UBAP2L: variants seen among roughly 807,000 people sequenced by gnomAD.
The protein encoded by UBAP2L is ubiquitin-associated protein 2-like.
A neutral mutation model predicts 130.6 loss-of-function variants in UBAP2L; 12 were observed. The observed-to-expected ratio is 0.09, with a 90% CI of 0.06 to 0.15. The LOEUF is 0.15. Ranked by LOEUF, UBAP2L falls within the 10% of genes least tolerant of loss-of-function variation. UBAP2L has a pLI of 1.00. For synonymous variants in UBAP2L, 503 were observed against 524.7 expected (o/e 0.96, Z 0.57); for missense variants, 965 against 1,332.5 (o/e 0.72, Z 4.29).
intron 8 of UBAP2L, 30 bp from the exon 9 acceptor site, chr1:154,241,483 A>G: frequency 6.2e-7 from 1 of 1,608,600 alleles, no homozygotes; most frequent in Non-Finnish European, 8.5e-7. Flanking sequence ...TTAATAGTGA[A>G]GTTACTTCAC....
At chr1:154,221,000 TGGCGGC>T (rs557489922) in intron 1 of UBAP2L, 25 bp downstream of exon 1, 4 of 192,720 alleles carry the variant, frequency 2.1e-5, no homozygotes, top group East Asian at 1.8e-4. Flanking sequence ...GCAGCGGCGT[TGGCGGC>T]GGCGGCGGCG....
intron 24 of UBAP2L, among the ~76,000 whole-genome samples, chr1:154,265,932 T>G (rs941795049): frequency 1.3e-5 from 2 of 152,192 alleles, no homozygotes; most frequent in South Asian, 2.1e-4. Context: ...GTTTGAAGAT[T>G]TAGCCTAGAT....
chr1:154,252,487 GC>G (rs1274266683), intron 14 of UBAP2L, among the ~76,000 whole-genome samples: 2 of 150,414 alleles, frequency 1.3e-5, no homozygotes, highest in Non-Finnish European at 3.0e-5. Context: ...CACCATGTTG[GC>G]CAGGCTGGTC....
chr1:154,248,116 C>T (rs528044552), intron 11 of UBAP2L, among the ~76,000 whole-genome samples: 3 of 151,894 alleles, frequency 2.0e-5, no homozygotes, highest in Non-Finnish European at 2.9e-5. Flanking sequence ...TACAGGCGCC[C>T]GCCACCACGC....
chr1:154,250,352 A>AT (rs34620231), intron 12 of UBAP2L, among the ~76,000 whole-genome samples: 70,079 of 151,226 alleles, frequency 0.46, 17,593 homozygotes, highest in East Asian at 0.87. Context: ...GCACCTGGCC[A>AT]TTTTTTTTTC....
chr1:154,243,155 A>G, intron 9 of UBAP2L, 62 bp from the exon 10 acceptor site: 1 of 1,427,120 alleles, frequency 7.0e-7, no homozygotes, highest in East Asian at 2.3e-5. Context: ...CCCCTTACCT[A>G]TGCCAAGTTT....
chr1:154,233,473 C>T (rs1670554579), intron 4 of UBAP2L, among the ~76,000 whole-genome samples: 1 of 151,742 alleles, frequency 6.6e-6, no homozygotes, highest in South Asian at 2.1e-4. Flanking sequence ...TACAGGTGCG[C>T]ACCACCACAC....
At chr1:154,230,106 A>C (rs1669338248) in intron 4 of UBAP2L, among the ~76,000 whole-genome samples, 1 of 151,830 alleles carries the variant, frequency 6.6e-6, no homozygotes, top group South Asian at 2.1e-4. Flanking sequence ...TCCTGGGTTC[A>C]AGCAATTCTC....
chr1:154,271,006 C>T, downstream of UBAP2L: 5 of 1,469,558 alleles, frequency 3.4e-6, no homozygotes, highest in Non-Finnish European at 4.6e-6. Flanking sequence ...GAACTCCTGA[C>T]CTTAATGTGG....
intron 24 of UBAP2L, chr1:154,263,598 C>A: frequency 1.3e-6 from 1 of 791,956 alleles, no homozygotes; most frequent in Non-Finnish European, 1.5e-6. Context: ...TAATCAAACC[C>A]CAGCATAGCC....
chr1:154,256,130 A>G lies in UBAP2L; in HGVS notation c.2157+375A>G, dbSNP rs72696254. Among the ~76,000 whole-genome samples, 1,225 of 152,314 alleles carry G rather than the reference A, an allele frequency of 8.0e-3. 7 individuals are homozygous for G. Among genetic ancestry groups the G allele is most frequent in the Non-Finnish European group, 0.013 (889 of 68,022 alleles). ...GAAAAGAATCAGTGCAAGGCTGGAC[A>G]TTTTTGTGAAAGTAGATGCCAGGTG... is the stretch of plus-strand genomic sequence containing the variant. On this transcript the variant is annotated intron_variant, in intron 18 of 26. Coordinates refer to ENST00000428931, the MANE Select transcript of UBAP2L (RefSeq NM_014847.4).
rs533687989 is a variant in UBAP2L at position 154,244,892 on chromosome 1, TG to T, written c.843-1310del. Among the ~76,000 whole-genome samples the T allele has an allele frequency of 2.2e-3, 333 of 152,252 alleles. 5 individuals are homozygous for T. The highest frequency in any genetic ancestry group is 7.6e-3 in the African/African-American group (317 of 41,556). ...CCACCTCGCCTACACCCCTGGAATTTGGTGGGATTGGGAGGGGCTTCTGAAA... is the reference window on the plus strand; with the variant it reads ...CCACCTCGCCTACACCCCTGGAATTTGTGGGATTGGGAGGGGCTTCTGAAA... On this transcript the variant is annotated intron_variant, in intron 10 of 26. Coordinates refer to ENST00000428931, the MANE Select transcript of UBAP2L (RefSeq NM_014847.4).
chr1:154,265,575 ATCT>A (rs1683004273), intron 24 of UBAP2L, among the ~76,000 whole-genome samples: 1 of 152,120 alleles, frequency 6.6e-6, no homozygotes, highest in Admixed American at 6.5e-5. Flanking sequence ...GGCTTTTCCT[ATCT>A]TCTTGACCCG....
intron 24 of UBAP2L, among the ~76,000 whole-genome samples, chr1:154,264,018 C>T (rs1053446222): frequency 4.6e-5 from 7 of 152,158 alleles, no homozygotes; most frequent in African/African-American, 1.7e-4. Flanking sequence ...CCCTTGATGG[C>T]TTTTCAGAGA....
intron 15 of UBAP2L, 57 bp from the exon 16 acceptor site, chr1:154,254,779 C>T: frequency 6.4e-7 from 1 of 1,561,090 alleles, no homozygotes; most frequent in Non-Finnish European, 8.7e-7. Context: ...TGCTAACTTT[C>T]CTCATTCACA....
Position 154,243,206 on chromosome 1 carries a change from C to CT in UBAP2L, c.757-10dup. 2 of 1,609,670 alleles carry CT rather than the reference C, an allele frequency of 1.2e-6. No individual in the cohort carries two copies. The highest frequency in any genetic ancestry group is 1.7e-6 in the Non-Finnish European group (2 of 1,176,812). ...CTGACACCAAGAGTGACTAATCCCTCTGTTTTCCAGCTTTCTGAGACCAAG... is the reference window on the plus strand; with the variant it reads ...CTGACACCAAGAGTGACTAATCCCTCTTGTTTTCCAGCTTTCTGAGACCAAG... On this transcript the variant is annotated splice_polypyrimidine_tract_variant and intron_variant, in intron 9 of 26. Transcript: ENST00000428931.
chr1:154,253,889 G>A lies in UBAP2L; in HGVS notation c.1665-11G>A, dbSNP rs78271793. 1,796 of 1,613,094 alleles carry A rather than the reference G, an allele frequency of 1.1e-3. 22 individuals are homozygous for A. The African/African-American group carries it at 0.021, about 18-fold the overall frequency. ...TTGTTTCTCTGAGATTTTTCTCTTC[G>A]TTACTCACAGTGAATCATCCTCTAC... On this transcript the variant is annotated splice_polypyrimidine_tract_variant and intron_variant, in intron 14 of 26. Transcript: ENST00000428931.
At chr1:154,264,367 T>G (rs549598032) in intron 24 of UBAP2L, among the ~76,000 whole-genome samples, 23 of 152,234 alleles carry the variant, frequency 1.5e-4, no homozygotes, top group African/African-American at 5.5e-4. Flanking sequence ...TGTCACTGTT[T>G]GGGGATAAGT....
At chr1:154,271,082 C>T, downstream of UBAP2L, 3 of 804,140 alleles carry the variant, frequency 3.7e-6, no homozygotes, top group Non-Finnish European at 3.8e-6. Context: ...AACCTGGTGA[C>T]TGGAAAGAAC....
Sources: gnomAD v4.1 joint callset for allele counts (sites outside exome capture counted in the v4.1 genomes callset) on GRCh38, gnomAD v4.1.1 for gene constraint, MANE v1.5 for transcripts, NCBI Gene and HGNC (gene_info 2026-07-23, HGNC 2026-07-21) for gene names.